Variants in HERPUD1 observed in about 807,000 individuals in gnomAD.
HERPUD1 encodes the protein homocysteine-responsive endoplasmic reticulum-resident ubiquitin-like domain member 1 protein.
A neutral mutation model predicts 45.0 loss-of-function variants in HERPUD1; 17 were observed. The ratio of observed to expected loss-of-function variants is 0.38; its 90% confidence interval spans 0.26 to 0.57. The LOEUF is 0.57. HERPUD1 is among the 20% of genes least tolerant of loss of function. The pLI, the probability that HERPUD1 is intolerant of heterozygous loss-of-function variation, is 0.72. For missense variants in HERPUD1, 420 were observed against 490.5 expected (o/e 0.86, Z 1.36); for synonymous variants, 164 against 177.5 (o/e 0.92, Z 0.61).
Position 56,932,320 on chromosome 16 carries a change from CT to C in HERPUD1, c.77del (p.Leu26ArgfsTer16), listed in dbSNP as rs2055831872. 6.2e-7 allele frequency: 1 copy of C among 1,606,618 alleles called. No individual in the cohort carries two copies. Among genetic ancestry groups the C allele is most frequent in the Non-Finnish European group, 8.5e-7 (1 of 1,178,532 alleles). Reference sequence around the variant, plus strand: ...CAACCAGCGCCACCGCGACTTGGAGCTGAGTGGCGACCGCGGCTGGAGTGTG... The same window carrying C: ...CAACCAGCGCCACCGCGACTTGGAGCGAGTGGCGACCGCGGCTGGAGTGTG... ...SPNQRHRDLELSGDRGWSVGH... is the reference protein window; with the variant it reads ...SPNQRHRDLEXSGDRGWSVGH... On this transcript the variant is annotated frameshift_variant, in exon 1 of 8. Coordinates refer to ENST00000439977, the MANE Select transcript of HERPUD1 (RefSeq NM_014685.4). LOFTEE classifies it high-confidence loss of function.
intron 1 of HERPUD1, among the ~76,000 whole-genome samples, chr16:56,934,201 A>G (rs1218812076): frequency 1.3e-5 from 2 of 152,218 alleles, no homozygotes; most frequent in African/African-American, 4.8e-5. Flanking sequence ...TTATATGTTA[A>G]TATTATTTGA....
In HERPUD1 at chr16:56,935,235, C is replaced by T. The variant is rs139954410; in HGVS notation, c.148C>T (p.Arg50Cys). 8.1e-6 allele frequency: 13 copies of T among 1,610,080 alleles called. No homozygotes were observed. The highest frequency in any genetic ancestry group is 7.7e-5 in the South Asian group (7 of 90,960). ...HLSRVYPERP[R>C]PEDQRLIYSG... ...TGTTACTCTTTCTTTCCATGATCAG[C>T]GTCCAGAGGACCAGAGGTTAATTTA... is the stretch of plus-strand genomic sequence containing the variant. The change falls in exon 2 of 8, where the codon CGT becomes TGT. Residue 50 changes from arginine to cysteine, a missense_variant and splice_region_variant. By Grantham distance (180) the Arg-to-Cys change is radical (BLOSUM62 -3). Coordinates refer to ENST00000439977, the MANE Select transcript of HERPUD1 (RefSeq NM_014685.4).
chr16:56,938,783 T>G (rs2039756430), intron 4 of HERPUD1, among the ~76,000 whole-genome samples: 1 of 152,068 alleles, frequency 6.6e-6, no homozygotes, highest in South Asian at 2.1e-4. Context: ...ACATGCACAC[T>G]TCACTATAGA....
Position 56,943,348 on chromosome 16 carries a change from T to G in HERPUD1, c.*58T>G. On this transcript the variant is annotated 3_prime_UTR_variant, in exon 8 of 8. Transcript: ENST00000439977. ...ACAGGAATGGACTGGATCACCTGAC[T>G]CCAGCTAGATTGCCTCTCCTGGACA... 6.3e-7 allele frequency: 1 copy of G among 1,581,970 alleles called. No homozygotes were observed. The highest frequency in any genetic ancestry group is 8.7e-7 in the Non-Finnish European group (1 of 1,150,848).
In HERPUD1 at chr16:56,936,971, A is replaced by G. The variant is rs1215540595; in HGVS notation, c.431+154A>G. On this transcript the variant is annotated intron_variant, in intron 4 of 7. Coordinates refer to ENST00000439977, the MANE Select transcript of HERPUD1 (RefSeq NM_014685.4). Reference sequence around the variant, plus strand: ...TAGCTTCGCTTTAAAGATCTCTTATATATTTAACTTTTCTTAATACACAGC... The same window carrying G: ...TAGCTTCGCTTTAAAGATCTCTTATGTATTTAACTTTTCTTAATACACAGC... 1.3e-5 allele frequency: 9 copies of G among 701,312 alleles called. No individual in the cohort carries two copies. In the Admixed American group the frequency reaches 1.3e-4, roughly 10 times the overall value. The allele number at this position is 701,312 out of a possible 1,614,324, so 43.4% of individuals were successfully genotyped here.
chr16:56,943,470 CA>C lies in HERPUD1; in HGVS notation c.*186del. On this transcript the variant is annotated 3_prime_UTR_variant, in exon 8 of 8. Transcript: ENST00000439977. ...TGAAGCCGTGATACAAATTGGTGAACAAAAAATGCCCAAGGCTTCTCATGTC... is the reference window on the plus strand; with the variant it reads ...TGAAGCCGTGATACAAATTGGTGAACAAAAATGCCCAAGGCTTCTCATGTC... 1 of 716,680 alleles carries C rather than the reference CA, an allele frequency of 1.4e-6. No homozygotes were observed. The highest frequency in any genetic ancestry group is 2.7e-5 in the East Asian group (1 of 37,674). 44.4% of individuals were successfully genotyped at this position (716,680 alleles called of 1,614,324 possible). A position where few individuals can be genotyped will look rare whatever the true frequency, so the allele number is the denominator to read the frequency against.
chr16:56,932,181 G>A lies in HERPUD1; in HGVS notation c.-64G>A, dbSNP rs1354647522. On this transcript the variant is annotated 5_prime_UTR_variant, in exon 1 of 8. Coordinates refer to ENST00000439977, the MANE Select transcript of HERPUD1 (RefSeq NM_014685.4). ...AACTGTCGTTGCAGAGATTGCGGGC[G>A]GCTGAGACGCCGCCTGCCTGGCACC... The A allele has an allele frequency of 3.2e-6, 5 of 1,576,204 alleles. No individual in the cohort carries two copies. The highest frequency in any genetic ancestry group is 1.3e-5 in the African/African-American group (1 of 74,486).
intron 1 of HERPUD1, chr16:56,933,199 ATTC>A: frequency 2.2e-6 from 1 of 450,994 alleles, no homozygotes. Context: ...CACGAGCATA[ATTC>A]TTCATCACAC....
Position 56,939,408 on chromosome 16 carries a change from A to G in HERPUD1, c.554+49A>G, listed in dbSNP as rs375925595. The G allele has an allele frequency of 3.6e-5, 58 of 1,610,740 alleles. 1 individual carries two copies. In the African/African-American group the frequency reaches 7.1e-4, roughly 20 times the overall value. ...GTGTGGCCAGGGCTCCCGGGAATTGAAGGGAATTTTATCCATGTTACCTGT... is the reference window on the plus strand; with the variant it reads ...GTGTGGCCAGGGCTCCCGGGAATTGGAGGGAATTTTATCCATGTTACCTGT... On this transcript the variant is annotated intron_variant, in intron 5 of 7. Coordinates refer to ENST00000439977, the MANE Select transcript of HERPUD1 (RefSeq NM_014685.4).
intron 1 of HERPUD1, among the ~76,000 whole-genome samples, chr16:56,934,699 A>ATTGTTTTTT (rs1257594998): frequency 1.4e-5 from 1 of 73,104 alleles, no homozygotes; most frequent in African/African-American, 5.7e-5. Flanking sequence ...ATAATTTGCC[A>ATTGTTTTTT]TTCTTTTTTT....
In HERPUD1 at chr16:56,943,363, T is replaced by C. The variant is rs2055926565; in HGVS notation, c.*73T>C. 2 of 1,510,562 alleles carry C rather than the reference T, an allele frequency of 1.3e-6. No individual in the cohort carries two copies. Among genetic ancestry groups the C allele is most frequent in the Admixed American group, 1.7e-5 (1 of 59,888 alleles). 93.6% of individuals were successfully genotyped at this position (1,510,562 alleles called of 1,614,324 possible). On this transcript the variant is annotated 3_prime_UTR_variant, in exon 8 of 8. Coordinates refer to ENST00000439977, the MANE Select transcript of HERPUD1 (RefSeq NM_014685.4). ...ATCACCTGACTCCAGCTAGATTGCCTCTCCTGGACATGGCAATGATGAGTT... is the reference window on the plus strand; with the variant it reads ...ATCACCTGACTCCAGCTAGATTGCCCCTCCTGGACATGGCAATGATGAGTT...
At chr16:56,934,139 C>T (rs1361297834) in intron 1 of HERPUD1, among the ~76,000 whole-genome samples, 2 of 152,176 alleles carry the variant, frequency 1.3e-5, no homozygotes, top group Admixed American at 1.3e-4. Flanking sequence ...TTCGCATAAT[C>T]AGTTATTCTG....
chr16:56,936,781 G>A lies in HERPUD1; in HGVS notation c.395G>A (p.Arg132Gln), dbSNP rs762398037. Residue 132 changes from arginine (R) to glutamine (Q), a missense_variant, in exon 4 of 8, where the codon CGG (arginine) becomes CAG (glutamine). Coordinates refer to ENST00000439977, the MANE Select transcript of HERPUD1 (RefSeq NM_014685.4). ...GGTTTAAGGCAAAGGGAAGTTCTTC[G>A]GAACCTTTCTTCCCCTGGATGGGAA... ...SDGLRQREVL[R>Q]NLSSPGWENI... 1.2e-5 allele frequency: 19 copies of A among 1,613,926 alleles called. No individual in the cohort carries two copies. The East Asian group carries it at 1.3e-4, about 11-fold the overall frequency.
At chr16:56,939,046 A>G in intron 4 of HERPUD1, 191 bp from the exon 5 acceptor site, 1 of 612,144 alleles carries the variant, frequency 1.6e-6, no homozygotes, top group Non-Finnish European at 2.8e-6. Context: ...CTGTGGTAGA[A>G]GTGCTGTGTC....
rs761330635 is a variant in HERPUD1, at chr16:56,932,180, C to T, written c.-65C>T. 1.4e-5 allele frequency: 22 copies of T among 1,573,920 alleles called. No individual in the cohort carries two copies. The highest frequency in any genetic ancestry group is 1.9e-5 in the Non-Finnish European group (22 of 1,166,782). On this transcript the variant is annotated 5_prime_UTR_variant, in exon 1 of 8. Coordinates refer to ENST00000439977, the MANE Select transcript of HERPUD1 (RefSeq NM_014685.4). The stretch of plus-strand genomic sequence containing the variant: ...GAACTGTCGTTGCAGAGATTGCGGG[C>T]GGCTGAGACGCCGCCTGCCTGGCAC...
intron 1 of HERPUD1, 118 bp from the exon 2 acceptor site, chr16:56,935,117 C>T (rs915666611): frequency 7.2e-6 from 5 of 697,214 alleles, no homozygotes; most frequent in Admixed American, 2.5e-5. Context: ...AGTGTTTTCC[C>T]GTGATGCTGG....
At chr16:56,936,515 G>T in intron 3 of HERPUD1, 172 bp from the exon 4 acceptor site, 1 of 428,674 alleles carries the variant, frequency 2.3e-6, no homozygotes, top group Non-Finnish European at 4.0e-6. Context: ...TGAAAATTAT[G>T]TTGAATAAAT....
In HERPUD1 at chr16:56,932,263, C is replaced by G. The variant is rs1026829812; in HGVS notation, c.19C>G (p.Pro7Ala). The G allele has an allele frequency of 1.2e-6, 2 of 1,608,810 alleles. No homozygotes were observed. Among genetic ancestry groups the G allele is most frequent in the East Asian group, 4.5e-5 (2 of 44,874 alleles). The change falls in exon 1 of 8, where the codon CCC becomes GCC. Residue 7 changes from proline (P) to alanine (A), a missense_variant. Transcript: ENST00000439977. ...CGCCGCCATGGAGTCCGAGACCGAA[C>G]CCGAGCCCGTCACGCTCCTGGTGAA... MESETE[P>A]EPVTLLVKSP...
intron 4 of HERPUD1, 128 bp downstream of exon 4, chr16:56,936,945 A>G: frequency 2.0e-6 from 2 of 987,794 alleles, no homozygotes; most frequent in Non-Finnish European, 2.9e-6. Flanking sequence ...TGCTTTATAA[A>G]TAGCTTCGCT....
Sources: gnomAD v4.1 joint callset for allele counts (sites outside exome capture counted in the v4.1 genomes callset) on GRCh38, gnomAD v4.1.1 for gene constraint, MANE v1.5 for transcripts, NCBI Gene and HGNC (gene_info 2026-07-23, HGNC 2026-07-21) for gene names.